The following PTPRG variants were observed in gnomAD, a reference collection of about 807,000 sequenced individuals.
PTPRG encodes protein tyrosine phosphatase receptor type G, also known as receptor-type tyrosine-protein phosphatase gamma.
In PTPRG, 102 loss-of-function variants were observed where a neutral mutation model predicts 165.3. The ratio of observed to expected loss-of-function variants is 0.62; its 90% CI spans 0.53 to 0.73. PTPRG has a LOEUF of 0.73. Ranked by LOEUF, PTPRG falls within the 30% of genes least tolerant of loss-of-function variation. PTPRG has a pLI of 0.00. For synonymous variants in PTPRG, 675 were observed against 669.5 expected (o/e 1.01, Z -0.13); for missense variants, 1,866 against 1,861.4 (o/e 1.00, Z -0.05).
chr3:62,157,339 A>T, intron 7 of PTPRG, 115 bp downstream of exon 7: 1 of 1,069,942 alleles, frequency 9.3e-7, no homozygotes, highest in Non-Finnish European at 1.3e-6. Flanking sequence ...TGTGCATATC[A>T]TTGATTCCTG....
At chr3:61,887,679 A>G (rs2038089841) in intron 2 of PTPRG, among the ~76,000 whole-genome samples, 1 of 151,716 alleles carries the variant, frequency 6.6e-6, no homozygotes, top group Non-Finnish European at 1.5e-5. Flanking sequence ...TATGCCATAT[A>G]TTACCAGACC....
In PTPRG at chr3:62,124,330, G is replaced by A. The variant is rs576946183; in HGVS notation, c.616-8272G>A. ...GCATCCTGGATGCCTGGTTCTGCCC[G>A]GGTCTCTGGTGATGCAGGCTGACAA... On this transcript the variant is annotated intron_variant, in intron 5 of 29. Coordinates refer to ENST00000474889, the MANE Select transcript of PTPRG (RefSeq NM_002841.4). The A allele has an allele frequency of 5.0e-5, 80 of 1,610,876 alleles. 2 individuals are homozygous for A. The South Asian group carries it at 6.0e-4, about 12-fold the overall frequency.
rs576971008 is a variant in PTPRG at position 62,281,324 on chromosome 3, G to A, written c.3766-239G>A. On this transcript the variant is annotated intron_variant, in intron 26 of 29. Transcript: ENST00000474889. ...GTAATAAGTCCCCTATAGTGGGAGTGTTTCAGGTTGCTACACTAACAGGTG... is the reference window on the plus strand; with the variant it reads ...GTAATAAGTCCCCTATAGTGGGAGTATTTCAGGTTGCTACACTAACAGGTG... 1.5e-4 allele frequency among the ~76,000 whole-genome samples: 23 copies of A among 152,038 alleles called. No individual in the cohort carries two copies. The South Asian group carries it at 4.4e-3, about 29-fold the overall frequency.
At chr3:62,015,883 T>TA (rs2041533072) in intron 4 of PTPRG, among the ~76,000 whole-genome samples, 3 of 152,144 alleles carry the variant, frequency 2.0e-5, no homozygotes, top group Non-Finnish European at 4.4e-5. Flanking sequence ...CTTCTTGGTT[T>TA]AAAAAAAGAA....
intron 5 of PTPRG, among the ~76,000 whole-genome samples, chr3:62,093,879 T>C (rs1034619604): frequency 1.3e-5 from 2 of 152,176 alleles, no homozygotes; most frequent in South Asian, 2.1e-4. Context: ...CAGCTTTTTT[T>C]CCAAGCACTT....
chr3:62,183,046 C>G (rs186307768), intron 8 of PTPRG, among the ~76,000 whole-genome samples: 59 of 152,350 alleles, frequency 3.9e-4, no homozygotes, highest in African/African-American at 1.4e-3. Context: ...TTTACCCAAG[C>G]TTTATCCAAG....
intron 2 of PTPRG, among the ~76,000 whole-genome samples, chr3:61,893,530 G>A (rs1186963894): frequency 6.6e-6 from 1 of 152,238 alleles, no homozygotes; most frequent in Non-Finnish European, 1.5e-5. Context: ...TAACCGCTAT[G>A]GCGCAGCTGC....
intron 2 of PTPRG, among the ~76,000 whole-genome samples, chr3:61,941,315 G>A (rs1400541446): frequency 6.6e-6 from 1 of 152,242 alleles, no homozygotes. Flanking sequence ...CAGAGAGTCA[G>A]ATGATCAGTT....
intron 1 of PTPRG, among the ~76,000 whole-genome samples, chr3:61,631,042 C>T (rs927124581): frequency 2.0e-5 from 3 of 150,292 alleles, no homozygotes; most frequent in Non-Finnish European, 4.4e-5. Context: ...GGTGACAGAG[C>T]GAGACGCTGT....
At chr3:62,286,711 C>A (rs1431889483) in intron 28 of PTPRG, among the ~76,000 whole-genome samples, 1 of 151,826 alleles carries the variant, frequency 6.6e-6, no homozygotes, top group Admixed American at 6.6e-5. Context: ...TTAATGGAGC[C>A]CTTAGAGGAA....
intron 1 of PTPRG, among the ~76,000 whole-genome samples, chr3:61,562,923 C>T (rs1207555403): frequency 6.6e-6 from 1 of 151,798 alleles, no homozygotes; most frequent in African/African-American, 2.4e-5. Context: ...GGGGAGCAGC[C>T]TGCGTTCTGG....
chr3:62,020,843 T>TTG (rs1553705541), intron 4 of PTPRG, among the ~76,000 whole-genome samples: 6 of 102,578 alleles, frequency 5.8e-5, no homozygotes, highest in Admixed American at 4.7e-4. Flanking sequence ...CAGGTTTTTT[T>TTG]TGTTTTTTTT....
chr3:62,205,881 C>A lies in PTPRG; in HGVS notation c.2155+1931C>A, dbSNP rs367962762. ...TTGATTTTTTGAAAGACCTCTCAGG[C>A]CTCTGCGTGGAGATGATATAGGAAG... On this transcript the variant is annotated intron_variant, in intron 12 of 29. Coordinates refer to ENST00000474889, the MANE Select transcript of PTPRG (RefSeq NM_002841.4). Among the ~76,000 whole-genome samples, 4 of 152,258 alleles carry A rather than the reference C, an allele frequency of 2.6e-5. No individual in the cohort carries two copies. In the South Asian group the frequency reaches 8.3e-4, roughly 32 times the overall value.
intron 1 of PTPRG, among the ~76,000 whole-genome samples, chr3:61,586,754 C>T (rs1700445493): frequency 6.6e-6 from 1 of 152,166 alleles, no homozygotes; most frequent in South Asian, 2.1e-4. Flanking sequence ...GGGCTGCCTC[C>T]CAGAAACAAT....
chr3:61,683,168 T>A lies in PTPRG; in HGVS notation c.86-65710T>A, dbSNP rs927498249. Among the ~76,000 whole-genome samples, 9 of 152,342 alleles carry A rather than the reference T, an allele frequency of 5.9e-5. No homozygotes were observed. The East Asian group carries it at 1.7e-3, about 29-fold the overall frequency. On this transcript the variant is annotated intron_variant, in intron 1 of 29. Transcript: ENST00000474889. ...TGTTTTTATTTTCCATAAAGTTGAA[T>A]TGCTCTTTTCAGTCAGCATTGCAAA...
At chr3:62,017,811 T>G (rs975613298) in intron 4 of PTPRG, among the ~76,000 whole-genome samples, 3 of 152,192 alleles carry the variant, frequency 2.0e-5, no homozygotes, top group African/African-American at 7.2e-5. Flanking sequence ...ACAGATTGTT[T>G]CAATTAGTCA....
chr3:61,782,801 T>C (rs1465040199), intron 2 of PTPRG, among the ~76,000 whole-genome samples: 1 of 152,132 alleles, frequency 6.6e-6, no homozygotes, highest in African/African-American at 2.4e-5. Flanking sequence ...TTTGTTTTGT[T>C]TTGTTTTGTT....
chr3:61,891,430 C>T (rs947052749), intron 2 of PTPRG, among the ~76,000 whole-genome samples: 1 of 152,218 alleles, frequency 6.6e-6, no homozygotes, highest in African/African-American at 2.4e-5. Context: ...CCCTGAAAGA[C>T]AATGTGGAGA....
chr3:61,735,535 T>G (rs985469363), intron 1 of PTPRG, among the ~76,000 whole-genome samples: 3 of 152,088 alleles, frequency 2.0e-5, no homozygotes, highest in Non-Finnish European at 2.9e-5. Flanking sequence ...TTGAGTTTTT[T>G]TTTTTTTTTT....
Sources: allele counts gnomAD v4.1 joint callset (sites outside exome capture counted in the v4.1 genomes callset), GRCh38; gene constraint gnomAD v4.1.1; transcripts MANE v1.5; gene names NCBI Gene and HGNC (gene_info 2026-07-23, HGNC 2026-07-21).